Variants in CCSER2 observed in about 807,000 individuals in gnomAD.
CCSER2 encodes coiled-coil serine rich protein 2.
A neutral mutation model predicts 92.3 loss-of-function variants in CCSER2; 46 were observed. That is an observed-to-expected ratio of 0.50 (90% CI 0.39 to 0.64). The LOEUF (loss-of-function observed/expected upper bound fraction) is 0.64. Ranked by LOEUF, CCSER2 falls within the 30% of genes least tolerant of loss-of-function variation. CCSER2 has a pLI of 0.00. For synonymous variants in CCSER2, 433 were observed against 431.4 expected (o/e 1.00, Z -0.04); for missense variants, 1,244 against 1,238.9 (o/e 1.00, Z -0.06).
At chr10:84,454,776 CT>C (rs1845504596) in intron 6 of CCSER2, 1 of 162,992 alleles carries the variant, frequency 6.1e-6, no homozygotes, top group Non-Finnish European at 1.4e-5. Context: ...CATATATTTT[CT>C]TTAGAATATT....
intron 9 of CCSER2, among the ~76,000 whole-genome samples, chr10:84,510,351 A>G (rs772187590): frequency 4.6e-5 from 7 of 152,080 alleles, no homozygotes; most frequent in Non-Finnish European, 8.8e-5. Flanking sequence ...CCAGGCAGGC[A>G]TGTTTTCTTT....
intron 3 of CCSER2, 44 bp downstream of exon 3, chr10:84,373,859 A>G: frequency 6.2e-7 from 1 of 1,611,056 alleles, no homozygotes; most frequent in Non-Finnish European, 8.5e-7. Flanking sequence ...TGTTTACCCT[A>G]CTATAGAGAG....
intron 3 of CCSER2, among the ~76,000 whole-genome samples, chr10:84,388,050 A>C (rs1486917455): frequency 6.6e-6 from 1 of 151,834 alleles, no homozygotes; most frequent in Non-Finnish European, 1.5e-5. Flanking sequence ...GTTTTAGTAG[A>C]GACGTGGTTT....
At chr10:84,445,239 C>T (rs1442813110) in intron 6 of CCSER2, among the ~76,000 whole-genome samples, 8 of 152,124 alleles carry the variant, frequency 5.3e-5, no homozygotes, top group African/African-American at 1.4e-4. Context: ...CTGCAAGCTC[C>T]GCCTCCTGGG....
chr10:84,332,442 T>A (rs1270780153), intron 1 of CCSER2, among the ~76,000 whole-genome samples: 6 of 111,774 alleles, frequency 5.4e-5, no homozygotes, highest in African/African-American at 2.1e-4. Context: ...ATATATTTTT[T>A]TTTTTTTTTT....
Position 84,514,526 on chromosome 10 carries a change from A to G in CCSER2, c.*259A>G. On this transcript the variant is annotated 3_prime_UTR_variant, in exon 10 of 10. Transcript: ENST00000372088. Reference sequence around the variant, plus strand: ...CAGAGGCCTGCCAAAGGCCCAAATCATGTTATCCATCCCTCTCCACGTCAG... The same window carrying G: ...CAGAGGCCTGCCAAAGGCCCAAATCGTGTTATCCATCCCTCTCCACGTCAG... 1 of 469,158 alleles carries G rather than the reference A, an allele frequency of 2.1e-6. No homozygotes were observed. Among genetic ancestry groups the G allele is most frequent in the Non-Finnish European group, 3.8e-6 (1 of 266,272 alleles). The allele number at this position is 469,158 out of a possible 1,614,324, so 29.1% of individuals were successfully genotyped here.
intron 8 of CCSER2, among the ~76,000 whole-genome samples, chr10:84,475,887 C>T (rs1185826930): frequency 6.6e-6 from 1 of 151,192 alleles, no homozygotes; most frequent in African/African-American, 2.4e-5. Flanking sequence ...GGATGGAGTG[C>T]GGTGGTGCAA....
At chr10:84,506,650 C>T (rs571317812) in intron 9 of CCSER2, among the ~76,000 whole-genome samples, 3 of 152,026 alleles carry the variant, frequency 2.0e-5, no homozygotes, top group African/African-American at 4.8e-5. Flanking sequence ...AAAAATTAGC[C>T]GGGCATGGTG....
chr10:84,374,707 G>A (rs1287628940), intron 3 of CCSER2, among the ~76,000 whole-genome samples: 1 of 152,236 alleles, frequency 6.6e-6, no homozygotes, highest in Non-Finnish European at 1.5e-5. Flanking sequence ...AACATGGCAA[G>A]TAATGTGGAT....
intron 6 of CCSER2, among the ~76,000 whole-genome samples, chr10:84,457,767 A>T (rs1448692178): frequency 6.7e-6 from 1 of 148,184 alleles, no homozygotes; most frequent in Admixed American, 6.9e-5. Context: ...TTGGAGACAG[A>T]GTCTTGCTCT....
intron 9 of CCSER2, among the ~76,000 whole-genome samples, chr10:84,494,442 C>T (rs570520988): frequency 5.3e-5 from 8 of 152,270 alleles, no homozygotes; most frequent in Admixed American, 4.6e-4. Context: ...CCAACCTTCT[C>T]ATCCAGTGAC....
chr10:84,363,907 G>A (rs757211046), intron 1 of CCSER2, among the ~76,000 whole-genome samples: 1 of 152,094 alleles, frequency 6.6e-6, no homozygotes, highest in Non-Finnish European at 1.5e-5. Flanking sequence ...AGATGCAGAT[G>A]GTATAGCCTA....
At chr10:84,423,288 C>T (rs1160499303) in intron 4 of CCSER2, among the ~76,000 whole-genome samples, 1 of 152,188 alleles carries the variant, frequency 6.6e-6, no homozygotes, top group African/African-American at 2.4e-5. Flanking sequence ...CCTGCAGAAT[C>T]TTGGAGCAGT....
chr10:84,366,544 G>A (rs1462694238), intron 1 of CCSER2, among the ~76,000 whole-genome samples: 2 of 152,146 alleles, frequency 1.3e-5, no homozygotes, highest in African/African-American at 2.4e-5. Flanking sequence ...AGAGAATGAT[G>A]TAAGATTAAT....
intron 7 of CCSER2, among the ~76,000 whole-genome samples, chr10:84,469,776 G>C (rs1351112429): frequency 6.6e-6 from 1 of 152,066 alleles, no homozygotes; most frequent in Non-Finnish European, 1.5e-5. Flanking sequence ...ATCCAATTGA[G>C]AAGGTGTTCT....
At chr10:84,372,787 G>A (rs1846136626) in intron 2 of CCSER2, among the ~76,000 whole-genome samples, 1 of 152,108 alleles carries the variant, frequency 6.6e-6, no homozygotes, top group Non-Finnish European at 1.5e-5. Context: ...AGTGTGGTAT[G>A]CCATTAAACA....
At chr10:84,445,400 G>A (rs997033764) in intron 6 of CCSER2, among the ~76,000 whole-genome samples, 5 of 152,154 alleles carry the variant, frequency 3.3e-5, no homozygotes, top group African/African-American at 9.7e-5. Context: ...TGATCCACCC[G>A]CCTTGGCCTC....
At chr10:84,475,055 C>T (rs1434229216) in intron 8 of CCSER2, among the ~76,000 whole-genome samples, 1 of 152,158 alleles carries the variant, frequency 6.6e-6, no homozygotes, top group Non-Finnish European at 1.5e-5. Flanking sequence ...CATTCTCACA[C>T]AGTAATACCC....
chr10:84,455,252 T>A (rs1221691775), intron 6 of CCSER2: 1 of 182,698 alleles, frequency 5.5e-6, no homozygotes, highest in Non-Finnish European at 1.2e-5. Context: ...TTTTCCACTT[T>A]CTTTCTTTTT....
Sources: allele counts gnomAD v4.1 joint callset (sites outside exome capture counted in the v4.1 genomes callset), GRCh38; gene constraint gnomAD v4.1.1; transcripts MANE v1.5; gene names NCBI Gene and HGNC (gene_info 2026-07-23, HGNC 2026-07-21).